Variants in TDRD5 observed in about 807,000 individuals in gnomAD.
The protein encoded by TDRD5 is tudor domain containing 5.
Under a neutral mutation model 120.6 loss-of-function variants are expected in TDRD5, and 41 were observed. That is an observed-to-expected ratio of 0.34 (90% CI 0.26 to 0.44). The LOEUF is 0.44. Among genes scored for constraint, TDRD5 ranks in the 20% least tolerant of loss-of-function variants. The probability of loss-of-function intolerance (pLI) is 1.00; values close to 1 mark genes in which losing one functional copy is unlikely to be tolerated. For synonymous variants in TDRD5, 430 were observed against 433.7 expected, an observed-to-expected ratio of 0.99 and a Z score of 0.11; for missense variants, 1,006 against 1,221.2, an observed-to-expected ratio of 0.82 and a Z score of 2.63.
intron 1 of TDRD5, 169 bp from the exon 2 acceptor site, chr1:179,592,433 G>T (rs1170709926): frequency 5.2e-6 from 3 of 578,000 alleles, no homozygotes; most frequent in Non-Finnish European, 9.2e-6. Flanking sequence ...GAGATTCAGG[G>T]CTTGAATCGC....
intron 9 of TDRD5, among the ~76,000 whole-genome samples, chr1:179,638,925 T>C (rs545678475): frequency 6.6e-6 from 1 of 152,154 alleles, no homozygotes; most frequent in African/African-American, 2.4e-5. Context: ...AATGACCATT[T>C]ACCCAGTTAA....
At chr1:179,632,229 T>A (rs1224744353) in intron 7 of TDRD5, among the ~76,000 whole-genome samples, 1 of 152,060 alleles carries the variant, frequency 6.6e-6, no homozygotes, top group African/African-American at 2.4e-5. Context: ...TCTTTTGAAG[T>A]TTTTATTAAG....
intron 11 of TDRD5, among the ~76,000 whole-genome samples, chr1:179,645,518 C>A (rs183446170): frequency 6.6e-6 from 1 of 152,184 alleles, no homozygotes; most frequent in East Asian, 1.9e-4. Context: ...AGTATAGTGT[C>A]ACTTTTTGTA....
Position 179,685,957 on chromosome 1 carries a change from T to C in TDRD5, c.2861-4739T>C, listed in dbSNP as rs573039205. Among the ~76,000 whole-genome samples the C allele has an allele frequency of 3.9e-5, 6 of 152,160 alleles. No individual in the cohort carries two copies. The East Asian group carries it at 1.2e-3, about 29-fold the overall frequency. ...GAGATTTTGAGCTAAGATGATGGGG[T>C]TTTCTAAATATCCAATCTTGTCATC... On this transcript the variant is annotated intron_variant, in intron 17 of 17. Transcript: ENST00000444136.
At chr1:179,647,079 T>C (rs952441978) in intron 11 of TDRD5, among the ~76,000 whole-genome samples, 8 of 150,204 alleles carry the variant, frequency 5.3e-5, no homozygotes, top group African/African-American at 2.0e-4. Flanking sequence ...ATGACTTTCT[T>C]CACAGAATTG....
chr1:179,598,687 T>G lies in TDRD5; in HGVS notation c.831+2869T>G, dbSNP rs562623023. Among the ~76,000 whole-genome samples the G allele has an allele frequency of 8.7e-3, 1,300 of 149,792 alleles. 16 individuals are homozygous for G. Among genetic ancestry groups the G allele is most frequent in the African/African-American group, 0.029 (1,209 of 41,334 alleles). On this transcript the variant is annotated intron_variant, in intron 4 of 17. Transcript: ENST00000444136. ...GAAAATCAATTGGTTTTTTTTTTTT[T>G]GGGTATGTTGACCTTGTATCCTGTG...
intron 17 of TDRD5, among the ~76,000 whole-genome samples, chr1:179,687,814 TTTTGATCTTTGTTGG>T (rs1680818232): frequency 6.6e-6 from 1 of 152,054 alleles, no homozygotes; most frequent in Admixed American, 6.5e-5. Context: ...TCTTTGTCTC[TTTTGATCTTTGTTGG>T]TTTAAAGTCT....
chr1:179,649,504 A>G (rs950614523), intron 11 of TDRD5, among the ~76,000 whole-genome samples: 6 of 152,210 alleles, frequency 3.9e-5, no homozygotes, highest in African/African-American at 1.4e-4. Flanking sequence ...CTTTAATTAT[A>G]TCTGATCTGT....
At chr1:179,605,550 A>G (rs987852071) in intron 4 of TDRD5, among the ~76,000 whole-genome samples, 5 of 152,128 alleles carry the variant, frequency 3.3e-5, no homozygotes, top group African/African-American at 7.2e-5. Flanking sequence ...ATGTAATGAC[A>G]TATATCCACT....
chr1:179,607,924 A>G (rs1396629131), intron 4 of TDRD5, among the ~76,000 whole-genome samples: 2 of 151,872 alleles, frequency 1.3e-5, no homozygotes, highest in Non-Finnish European at 2.9e-5. Context: ...CTCCAGTATA[A>G]TTTTCTTTCT....
chr1:179,608,336 T>A (rs947555169), intron 4 of TDRD5, among the ~76,000 whole-genome samples: 7 of 152,114 alleles, frequency 4.6e-5, no homozygotes, highest in African/African-American at 1.7e-4. Context: ...GGTTTATAAT[T>A]TTCATGAAAT....
chr1:179,644,212 G>A (rs1678214020), intron 11 of TDRD5, among the ~76,000 whole-genome samples: 2 of 152,164 alleles, frequency 1.3e-5, no homozygotes. Flanking sequence ...AGGAAAGAAT[G>A]ATGATTATGG....
At chr1:179,627,685 T>G (rs1266102572) in intron 6 of TDRD5, among the ~76,000 whole-genome samples, 1 of 152,218 alleles carries the variant, frequency 6.6e-6, no homozygotes, top group African/African-American at 2.4e-5. Flanking sequence ...ACAATAAGGA[T>G]AATAATTGCA....
chr1:179,678,564 A>G (rs1185511150), intron 17 of TDRD5, among the ~76,000 whole-genome samples: 2 of 152,148 alleles, frequency 1.3e-5, no homozygotes, highest in Non-Finnish European at 2.9e-5. Flanking sequence ...AATCGACTAT[A>G]TTTAAACATT....
Position 179,658,227 on chromosome 1 carries a change from T to C in TDRD5, c.2322+3865T>C, listed in dbSNP as rs540376768. Among the ~76,000 whole-genome samples, 7 of 152,330 alleles carry C rather than the reference T, an allele frequency of 4.6e-5. No individual in the cohort carries two copies. In the East Asian group the frequency reaches 1.2e-3, roughly 25 times the overall value. ...ATATACCACGTTTTCTTTATTTGTT[T>C]ATTGATGTACACTTTGTACAGGTTG... On this transcript the variant is annotated intron_variant, in intron 14 of 17. Transcript: ENST00000444136.
rs941691887 is a variant in TDRD5 at position 179,591,923 on chromosome 1, G to C, written c.-217G>C. The C allele has an allele frequency of 6.6e-6, 1 of 152,426 alleles. No homozygotes were observed. The highest frequency in any genetic ancestry group is 1.5e-5 in the Non-Finnish European group (1 of 68,206). 9.4% of individuals were successfully genotyped at this position (152,426 alleles called of 1,614,324 possible). A position where few individuals can be genotyped will look rare whatever the true frequency, so the allele number is the denominator to read the frequency against. ...CTCGGCCCGCACCAGCAGCGCTGGC[G>C]TCAGGGCGCGGTGGGGGCAAGACGG... is the stretch of plus-strand genomic sequence containing the variant. On this transcript the variant is annotated 5_prime_UTR_variant, in exon 1 of 18. Transcript: ENST00000444136.
At chr1:179,690,523 T>A (rs12090130) in intron 17 of TDRD5, among the ~76,000 whole-genome samples, 173 bp from the exon 18 acceptor site, 2,014 of 152,358 alleles carry the variant, frequency 0.013, 55 homozygotes, top group African/African-American at 0.045. Flanking sequence ...CCATTTCCTT[T>A]CCATTTGTTG....
intron 4 of TDRD5, among the ~76,000 whole-genome samples, chr1:179,608,704 C>T (rs182792318): frequency 2.0e-5 from 3 of 151,198 alleles, no homozygotes; most frequent in Admixed American, 1.3e-4. Flanking sequence ...TTTTAGAGGG[C>T]TTGTCTAGTT....
At chr1:179,667,555 C>T (rs1216893054) in intron 16 of TDRD5, among the ~76,000 whole-genome samples, 1 of 144,620 alleles carries the variant, frequency 6.9e-6, no homozygotes, top group African/African-American at 2.5e-5. Flanking sequence ...ATCTCCCCAG[C>T]TTAAAAAATT....
Sources: gnomAD v4.1 joint callset for allele counts (sites outside exome capture counted in the v4.1 genomes callset) on GRCh38, gnomAD v4.1.1 for gene constraint, MANE v1.5 for transcripts, NCBI Gene and HGNC (gene_info 2026-07-23, HGNC 2026-07-21) for gene names.